The following MACROD2 variants were observed in gnomAD, a reference collection of about 807,000 sequenced individuals.
MACROD2 encodes mono-ADP ribosylhydrolase 2, also known as ADP-ribose glycohydrolase MACROD2.
Under a neutral mutation model 70.4 loss-of-function variants are expected in MACROD2, and 36 were observed. That is an observed-to-expected ratio of 0.51 (90% CI 0.39 to 0.68). MACROD2 has a LOEUF of 0.68. Ranked by LOEUF, MACROD2 falls within the 30% of genes least tolerant of loss-of-function variation. The probability of loss-of-function intolerance (pLI) is 0.00; values close to 1 mark genes in which losing one functional copy is unlikely to be tolerated. For synonymous variants in MACROD2, 172 were observed against 178.8 expected (o/e 0.96, Z 0.30); for missense variants, 496 against 538.4 (o/e 0.92, Z 0.78).
At chr20:15,930,237 C>T (rs1028400935) in intron 10 of MACROD2, among the ~76,000 whole-genome samples, 1 of 152,094 alleles carries the variant, frequency 6.6e-6, no homozygotes, top group Non-Finnish European at 1.5e-5. Flanking sequence ...GCTAGACAGA[C>T]AAGGCTGATA....
intron 6 of MACROD2, among the ~76,000 whole-genome samples, chr20:15,340,991 G>C (rs2021765): frequency 6.6e-6 from 1 of 151,934 alleles, no homozygotes; most frequent in South Asian, 2.1e-4. Context: ...GGGAATGAAA[G>C]GAATTCTTGG....
chr20:14,319,996 A>G (rs1568552888), intron 3 of MACROD2, among the ~76,000 whole-genome samples: 1 of 152,202 alleles, frequency 6.6e-6, no homozygotes. Context: ...AGACATGTCC[A>G]GAGGGATAAT....
At chr20:15,120,555 C>T (rs2076022877) in intron 5 of MACROD2, among the ~76,000 whole-genome samples, 1 of 152,112 alleles carries the variant, frequency 6.6e-6, no homozygotes, top group African/African-American at 2.4e-5. Flanking sequence ...TTTGCAAATG[C>T]TCTCTTATTC....
intron 3 of MACROD2, among the ~76,000 whole-genome samples, chr20:14,183,550 C>A (rs6042569): frequency 0.99 from 151,322 of 152,288 alleles, 75,189 homozygotes; most frequent in East Asian, 1. Context: ...ATACCCAGTA[C>A]TGGGATTGCT....
intron 3 of MACROD2, among the ~76,000 whole-genome samples, chr20:14,245,732 C>G (rs2081963758): frequency 2.0e-5 from 3 of 152,192 alleles, no homozygotes; most frequent in Admixed American, 2.0e-4. Flanking sequence ...CCTACCAACA[C>G]TAAAGGAGAG....
chr20:16,051,155 T>C lies in MACROD2; in HGVS notation c.*1279T>C, dbSNP rs2067453318. ...ACAGCCTCCCCGGGTTCCAAAGTCA[T>C]GTCATTGTTTTCAGTGGAAACATAT... is the stretch of plus-strand genomic sequence containing the variant. On this transcript the variant is annotated 3_prime_UTR_variant, in exon 18 of 18. Coordinates refer to ENST00000684519, the MANE Select transcript of MACROD2 (RefSeq NM_001351661.2). 1 of 152,232 alleles carries C rather than the reference T, an allele frequency of 6.6e-6. No homozygotes were observed. Among genetic ancestry groups the C allele is most frequent in the African/African-American group, 2.4e-5 (1 of 41,464 alleles). 9.4% of individuals were successfully genotyped at this position (152,232 alleles called of 1,614,324 possible). A position where few individuals can be genotyped will look rare whatever the true frequency, so the allele number is the denominator to read the frequency against.
chr20:15,553,654 A>G (rs745363394), intron 8 of MACROD2, among the ~76,000 whole-genome samples: 8 of 152,154 alleles, frequency 5.3e-5, no homozygotes, highest in Non-Finnish European at 7.3e-5. Context: ...TCCTAAGATC[A>G]AGCGATCCAC....
At chr20:15,503,092 C>G (rs1031443019) in intron 8 of MACROD2, among the ~76,000 whole-genome samples, 1 of 152,022 alleles carries the variant, frequency 6.6e-6, no homozygotes, top group Non-Finnish European at 1.5e-5. Flanking sequence ...TGAATATTGA[C>G]AAAAATTAGT....
At chr20:15,025,246 A>G (rs1286783114) in intron 5 of MACROD2, among the ~76,000 whole-genome samples, 4 of 151,916 alleles carry the variant, frequency 2.6e-5, no homozygotes, top group Non-Finnish European at 4.4e-5. Flanking sequence ...GATTCTTGTT[A>G]ATGGGGGAGA....
chr20:15,785,536 G>T (rs2051910860), intron 8 of MACROD2, among the ~76,000 whole-genome samples: 1 of 152,162 alleles, frequency 6.6e-6, no homozygotes, highest in Non-Finnish European at 1.5e-5. Flanking sequence ...AGAAAAAGAG[G>T]GTAAGTTTAG....
intron 10 of MACROD2, among the ~76,000 whole-genome samples, chr20:15,895,645 C>T (rs732668): frequency 0.87 from 132,656 of 152,194 alleles, 59,587 homozygotes; most frequent in Non-Finnish European, 0.98. Flanking sequence ...GGCCTGGTGG[C>T]GGCAGCCTGG....
At chr20:15,727,735 T>A (rs1399526688) in intron 8 of MACROD2, among the ~76,000 whole-genome samples, 1 of 152,170 alleles carries the variant, frequency 6.6e-6, no homozygotes, top group Non-Finnish European at 1.5e-5. Flanking sequence ...TTTGAATCTT[T>A]GCTTGCATGT....
intron 4 of MACROD2, 195 bp downstream of exon 4, chr20:14,493,703 A>G: frequency 2.5e-6 from 1 of 406,446 alleles, no homozygotes; most frequent in Non-Finnish European, 4.3e-6. Flanking sequence ...ATTGACTTCG[A>G]GATATATACA....
chr20:14,693,262 G>A (rs886652392), intron 5 of MACROD2, among the ~76,000 whole-genome samples: 3 of 152,058 alleles, frequency 2.0e-5, no homozygotes, highest in African/African-American at 7.2e-5. Context: ...TGTTGTACAG[G>A]GATAATCATT....
intron 5 of MACROD2, among the ~76,000 whole-genome samples, chr20:15,167,538 CA>C (rs951612625): frequency 6.6e-6 from 1 of 152,038 alleles, no homozygotes; most frequent in East Asian, 1.9e-4. Context: ...AAAACCTACT[CA>C]AAAAAATATG....
chr20:15,246,886 A>G (rs1274763909), intron 6 of MACROD2, among the ~76,000 whole-genome samples: 1 of 152,242 alleles, frequency 6.6e-6, no homozygotes, highest in Non-Finnish European at 1.5e-5. Context: ...AAAAGAATGA[A>G]GTACTGACAC....
At position 14,767,387 on chromosome 20, in the gene MACROD2, G is replaced by T. The variant is rs537584945; in HGVS notation, c.418+82428G>T. ...AACCAACTGTGTGGACAGTGAAAAT[G>T]ATGAAAGACTGAGAGAAACTTTAGA... On this transcript the variant is annotated intron_variant, in intron 5 of 17. Transcript: ENST00000684519. Among the ~76,000 whole-genome samples, 77 of 152,140 alleles carry T rather than the reference G, an allele frequency of 5.1e-4. 1 individual carries two copies. The highest frequency in any genetic ancestry group is 1.8e-3 in the African/African-American group (74 of 41,452).
intron 1 of MACROD2, among the ~76,000 whole-genome samples, chr20:13,998,954 C>CAAA (rs11476537): frequency 2.0e-5 from 2 of 99,556 alleles, no homozygotes; most frequent in African/African-American, 8.2e-5. Context: ...GACTCCGTCT[C>CAAA]AAAAAAAAAA....
chr20:15,250,647 T>C (rs150176874), intron 6 of MACROD2, among the ~76,000 whole-genome samples: 237 of 152,362 alleles, frequency 1.6e-3, no homozygotes, highest in African/African-American at 5.4e-3. Context: ...ACAGGACCTT[T>C]GCATATGCCA....
Sources: gnomAD v4.1 joint callset for allele counts (sites outside exome capture counted in the v4.1 genomes callset) on GRCh38, gnomAD v4.1.1 for gene constraint, MANE v1.5 for transcripts, NCBI Gene and HGNC (gene_info 2026-07-23, HGNC 2026-07-21) for gene names.